BPI: variants seen among roughly 807,000 people sequenced by gnomAD.
BPI encodes the protein bactericidal permeability-increasing protein.
Under a neutral mutation model 57.6 loss-of-function variants are expected in BPI, and 48 were observed. That is an observed-to-expected ratio of 0.83 (90% CI 0.66 to 1.06). BPI has a LOEUF of 1.06. Ranked by LOEUF, BPI falls within the 50% of genes least tolerant of loss-of-function variation. BPI has a pLI of 0.00. For synonymous variants in BPI, 237 were observed against 238.2 expected, an observed-to-expected ratio of 0.99 and a Z score of 0.05; for missense variants, 651 against 609.7, an observed-to-expected ratio of 1.07 and a Z score of -0.71.
intron 11 of BPI, among the ~76,000 whole-genome samples, chr20:38,328,979 T>C (rs1041861028): frequency 1.6e-4 from 24 of 151,730 alleles, no homozygotes; most frequent in African/African-American, 5.6e-4. Flanking sequence ...GTACTCCAGC[T>C]TGGGCAACAG....
chr20:38,335,724 C>G (rs768409880), intron 14 of BPI, 50 bp downstream of exon 14: 1 of 1,565,568 alleles, frequency 6.4e-7, no homozygotes, highest in Admixed American at 1.7e-5. Flanking sequence ...TAGTGACCAA[C>G]AGCAGCCTAT....
At chr20:38,333,788 A>G (rs1182537268) in intron 12 of BPI, among the ~76,000 whole-genome samples, 1 of 144,832 alleles carries the variant, frequency 6.9e-6, no homozygotes, top group East Asian at 2.0e-4. Context: ...TTTTGGATAA[A>G]TTTGTTGCTT....
intron 7 of BPI, among the ~76,000 whole-genome samples, chr20:38,323,272 C>T (rs190969344): frequency 2.6e-4 from 40 of 152,262 alleles, no homozygotes; most frequent in African/African-American, 8.2e-4. Context: ...TTAAGCTCAA[C>T]ATTTATTTGC....
At chr20:38,318,365 T>C (rs529472050) in intron 5 of BPI, 48 bp from the exon 6 acceptor site, 1 of 1,567,030 alleles carries the variant, frequency 6.4e-7, no homozygotes, top group East Asian at 2.2e-5. Context: ...CAAGGGACAT[T>C]TTTCACTATG....
chr20:38,327,753 G>T (rs1474327188), intron 11 of BPI, 98 bp downstream of exon 11: 6 of 1,390,562 alleles, frequency 4.3e-6, no homozygotes, highest in South Asian at 1.2e-5. Flanking sequence ...CTGCATTGTT[G>T]TTTTCCTGTT....
chr20:38,331,095 G>A lies in BPI; in HGVS notation c.1272+5G>A. ...TCAAATATTGGCCCCTTCCCGGTGA[G>A]TCTGAGGCCCTTGGTGGCTTCTTCC... On this transcript the variant is annotated splice_donor_5th_base_variant and intron_variant, in intron 12 of 14. Coordinates refer to ENST00000642449, the MANE Select transcript of BPI (RefSeq NM_001725.3). 6.2e-7 allele frequency: 1 copy of A among 1,614,082 alleles called. No homozygotes were observed. The highest frequency in any genetic ancestry group is 8.5e-7 in the Non-Finnish European group (1 of 1,179,942).
At chr20:38,304,461 A>C in intron 1 of BPI, 108 bp downstream of exon 1, 3 of 1,428,494 alleles carry the variant, frequency 2.1e-6, no homozygotes, top group Non-Finnish European at 2.8e-6. Context: ...ATAGCACCTC[A>C]GGGCAGGTCC....
At position 38,337,363 on chromosome 20, in the gene BPI, A is replaced by C; in HGVS notation, c.*179A>C. On this transcript the variant is annotated 3_prime_UTR_variant, in exon 15 of 15. Transcript: ENST00000642449. ...GAAACATTATTCATTGGAAAAGTGC[A>C]TGGTGTGTATTTTAGGGATTATGAG... The C allele has an allele frequency of 1.9e-6, 1 of 536,186 alleles. No homozygotes were observed. The highest frequency in any genetic ancestry group is 3.2e-6 in the Non-Finnish European group (1 of 313,070). The allele number at this position is 536,186 out of a possible 1,614,324, so 33.2% of individuals were successfully genotyped here. A position where few individuals can be genotyped will look rare whatever the true frequency, so the allele number is the denominator to read the frequency against.
intron 2 of BPI, among the ~76,000 whole-genome samples, chr20:38,308,548 C>T (rs916074249): frequency 8.5e-5 from 13 of 152,214 alleles, no homozygotes; most frequent in Non-Finnish European, 1.8e-4. Context: ...CAGAGCTATA[C>T]AGAGCTCTTC....
chr20:38,311,753 G>A lies in BPI; in HGVS notation c.537-121G>A, dbSNP rs879137483. 134 of 870,988 alleles carry A rather than the reference G, an allele frequency of 1.5e-4. 2 individuals are homozygous for A. Among genetic ancestry groups the A allele is most frequent in the South Asian group, 1.4e-3 (102 of 70,678 alleles). 54.0% of individuals were successfully genotyped at this position (870,988 alleles called of 1,614,324 possible). On this transcript the variant is annotated intron_variant, in intron 4 of 14. Transcript: ENST00000642449. Reference sequence around the variant, plus strand: ...GGGGTGTGTGCAGTTAGAGCTCAGAGGAGAGGGTGCCAAAACCTGTTTCTA... The same window carrying A: ...GGGGTGTGTGCAGTTAGAGCTCAGAAGAGAGGGTGCCAAAACCTGTTTCTA...
rs1301671942 is a variant in BPI, at chr20:38,309,567, C to T, written c.374+509C>T. On this transcript the variant is annotated intron_variant, in intron 3 of 14. Coordinates refer to ENST00000642449, the MANE Select transcript of BPI (RefSeq NM_001725.3). ...AAGGGAAAGCAGGAACACACAGGTC[C>T]TCTTAAGGCCCAGGCTCAGAATTTA... 2.6e-5 allele frequency among the ~76,000 whole-genome samples: 4 copies of T among 152,288 alleles called. No homozygotes were observed. The East Asian group carries it at 7.7e-4, about 29-fold the overall frequency.
chr20:38,330,737 G>C (rs976511571), intron 11 of BPI, among the ~76,000 whole-genome samples: 1 of 152,208 alleles, frequency 6.6e-6, no homozygotes, highest in Non-Finnish European at 1.5e-5. Flanking sequence ...GAAGTCCTGG[G>C]ACTGACTTTC....
Position 38,310,523 on chromosome 20 carries a change from A to T in BPI, c.407A>T (p.Glu136Val), listed in dbSNP as rs558797206. ...KMSGNFDLSIEGMSISADLKL... is the reference protein window; with the variant it reads ...KMSGNFDLSIVGMSISADLKL... ...AGCGGCAATTTTGACCTGAGCATAG[A>T]AGGCATGTCCATTTCGGCTGATCTG... Residue 136 changes from glutamate (E) to valine (V), a missense_variant, in exon 4 of 15, where the codon GAA becomes GTA. Glu to Val is a moderately radical substitution (Grantham distance 121). Coordinates refer to ENST00000642449, the MANE Select transcript of BPI (RefSeq NM_001725.3). 6.2e-7 allele frequency: 1 copy of T among 1,614,144 alleles called. No individual in the cohort carries two copies. Among genetic ancestry groups the T allele is most frequent in the African/African-American group, 1.3e-5 (1 of 75,050 alleles).
chr20:38,328,556 T>C (rs566298968), intron 11 of BPI, among the ~76,000 whole-genome samples: 4 of 151,332 alleles, frequency 2.6e-5, no homozygotes, highest in Non-Finnish European at 5.9e-5. Context: ...TCTCAAAAAA[T>C]AAAAAATAAG....
rs2122577585 is a variant in BPI at position 38,337,327 on chromosome 20, C to G, written c.*143C>G. The G allele has an allele frequency of 1.5e-6, 1 of 667,586 alleles. No homozygotes were observed. The highest frequency in any genetic ancestry group is 3.0e-5 in the East Asian group (1 of 33,808). 41.4% of individuals were successfully genotyped at this position (667,586 alleles called of 1,614,324 possible). A position where few individuals can be genotyped will look rare whatever the true frequency, so the allele number is the denominator to read the frequency against. ...TCTTCGACTCAGATTCAGAAATGAT[C>G]TAAACACGAGGAAACATTATTCATT... On this transcript the variant is annotated 3_prime_UTR_variant, in exon 15 of 15. Coordinates refer to ENST00000642449, the MANE Select transcript of BPI (RefSeq NM_001725.3).
At chr20:38,315,063 A>G (rs2076645801) in intron 5 of BPI, among the ~76,000 whole-genome samples, 1 of 152,120 alleles carries the variant, frequency 6.6e-6, no homozygotes, top group Admixed American at 6.6e-5. Flanking sequence ...CTGAGTGTTT[A>G]CAGTGATCTG....
rs1275855267 is a variant in BPI at position 38,320,260 on chromosome 20, G to A, written c.742G>A (p.Asp248Asn). Residue 248 changes from aspartate (D) to asparagine (N), a missense_variant, in exon 7 of 15, where the codon GAT becomes AAT. Coordinates refer to ENST00000642449, the MANE Select transcript of BPI (RefSeq NM_001725.3). Reference protein sequence around the residue: ...APPATTAETLDVQMKGEFYSE... With the variant: ...APPATTAETLNVQMKGEFYSE... ...TCCAGCAACCACGGCTGAGACCCTG[G>A]ATGTACAGATGAAGGTGAGGCTGAC... 1.9e-6 allele frequency: 3 copies of A among 1,613,748 alleles called. No individual in the cohort carries two copies. The highest frequency in any genetic ancestry group is 3.3e-5 in the Admixed American group (2 of 59,994).
chr20:38,335,430 C>T lies in BPI; in HGVS notation c.1337-168C>T, dbSNP rs775715883. ...GTTGATGGACAACAGGTGGGAGGTACGGACTCTGGGGCAGCCTTCCTTTCA... is the reference window on the plus strand; with the variant it reads ...GTTGATGGACAACAGGTGGGAGGTATGGACTCTGGGGCAGCCTTCCTTTCA... On this transcript the variant is annotated intron_variant, in intron 13 of 14. Coordinates refer to ENST00000642449, the MANE Select transcript of BPI (RefSeq NM_001725.3). 2.0e-5 allele frequency: 13 copies of T among 636,166 alleles called. 1 individual carries two copies. The highest frequency in any genetic ancestry group is 3.7e-5 in the South Asian group (2 of 53,748). 39.4% of individuals were successfully genotyped at this position (636,166 alleles called of 1,614,324 possible). A position where few individuals can be genotyped will look rare whatever the true frequency, so the allele number is the denominator to read the frequency against.
chr20:38,320,335 C>A, intron 7 of BPI, 61 bp downstream of exon 7: 3 of 1,485,188 alleles, frequency 2.0e-6, no homozygotes, highest in Non-Finnish European at 2.8e-6. Flanking sequence ...TCCAGGGCTC[C>A]CCAGTCCTTG....
Sources: gnomAD v4.1 joint callset for allele counts (sites outside exome capture counted in the v4.1 genomes callset) on GRCh38, gnomAD v4.1.1 for gene constraint, MANE v1.5 for transcripts, NCBI Gene and HGNC (gene_info 2026-07-23, HGNC 2026-07-21) for gene names.